Variants in ITIH2 observed in about 807,000 individuals in gnomAD.
ITIH2 encodes inter-alpha-trypsin inhibitor heavy chain H2.
ITIH2 carries 103 observed loss-of-function variants against 104.4 expected under a neutral mutation model. The observed-to-expected ratio is 0.99, with a 90% CI of 0.84 to 1.16. ITIH2 has a LOEUF of 1.16. ITIH2 is among the 50% of genes most tolerant of loss of function. The pLI is 0.00. For synonymous variants in ITIH2, 436 were observed against 435.4 expected (o/e 1.00, Z -0.02); for missense variants, 1,108 against 1,162.4 (o/e 0.95, Z 0.68).
chr10:7,737,624 A>C (rs1159581799), intron 15 of ITIH2, among the ~76,000 whole-genome samples: 29 of 115,704 alleles, frequency 2.5e-4, no homozygotes, highest in African/African-American at 1.1e-3. Context: ...ATTCTATATT[A>C]TATTCTATAT....
At chr10:7,723,185 T>C (rs890567775) in intron 8 of ITIH2, among the ~76,000 whole-genome samples, 1 of 151,206 alleles carries the variant, frequency 6.6e-6, no homozygotes, top group Non-Finnish European at 1.5e-5. Context: ...TGGAGTGGCA[T>C]GGTGTGGAGA....
At chr10:7,727,871 T>C (rs774026721) in intron 11 of ITIH2, 43 bp downstream of exon 11, 29 of 1,609,784 alleles carry the variant, frequency 1.8e-5, no homozygotes, top group Non-Finnish European at 2.5e-5. Flanking sequence ...ACTTTCACTG[T>C]TGTTTCTTGG....
chr10:7,738,757 A>T lies in ITIH2; in HGVS notation c.2094A>T (p.Arg698Ser), dbSNP rs1835096471. ...CCACGCCACCCCCACATGTGATGAG[A>T]GGTAACGCTTCTACACTGCTTGCAC... ...LESTPPPHVM[R>S]VENDPHFIIY... Residue 698 changes from arginine (R) to serine (S), a missense_variant and splice_region_variant, in exon 16 of 21, where the codon AGA becomes AGT. By Grantham distance (110) the Arg-to-Ser change is moderately radical. Coordinates refer to ENST00000358415, the MANE Select transcript of ITIH2 (RefSeq NM_002216.3). The T allele has an allele frequency of 6.2e-7, 1 of 1,607,114 alleles. No individual in the cohort carries two copies. Among genetic ancestry groups the T allele is most frequent in the Non-Finnish European group, 8.5e-7 (1 of 1,176,744 alleles).
chr10:7,707,301 G>T, intron 3 of ITIH2, 68 bp downstream of exon 3: 1 of 1,171,404 alleles, frequency 8.5e-7, no homozygotes, highest in South Asian at 1.3e-5. Context: ...AAATCAATCT[G>T]GGTGTCTCTT....
chr10:7,744,084 A>C lies in ITIH2; in HGVS notation c.2212A>C (p.Ile738Leu). The C allele has an allele frequency of 1.2e-6, 2 of 1,613,324 alleles. No individual in the cohort carries two copies. Among genetic ancestry groups the C allele is most frequent in the Non-Finnish European group, 1.7e-6 (2 of 1,179,352 alleles). ...CATCATTTTTTTCTTTCCTGTAGGA[A>C]TTGTAGTCAACGGTCAGCTTGTTGG... is the stretch of plus-strand genomic sequence containing the variant. Reference protein sequence around the residue: ...LNLVSDPESGIVVNGQLVGAK... With the variant: ...LNLVSDPESGLVVNGQLVGAK... Residue 738 changes from isoleucine to leucine, a missense_variant and splice_region_variant, in exon 18 of 21, where the codon ATT becomes CTT. Physicochemically the swap from Ile to Leu is conservative, Grantham distance 5. Coordinates refer to ENST00000358415, the MANE Select transcript of ITIH2 (RefSeq NM_002216.3).
At chr10:7,733,244 T>C (rs1174896130) in intron 14 of ITIH2, among the ~76,000 whole-genome samples, 3 of 152,160 alleles carry the variant, frequency 2.0e-5, no homozygotes, top group Non-Finnish European at 2.9e-5. Context: ...CTGGCTTCTT[T>C]CACTCAATAT....
intron 12 of ITIH2, among the ~76,000 whole-genome samples, chr10:7,731,396 A>T (rs1239949943): frequency 6.6e-6 from 1 of 152,166 alleles, no homozygotes; most frequent in Non-Finnish European, 1.5e-5. Context: ...CTGTGTGAAT[A>T]AATTAAGAGG....
rs112722030 is a variant in ITIH2 at position 7,731,460 on chromosome 10, C to T, written c.1462-351C>T. Among the ~76,000 whole-genome samples the T allele has an allele frequency of 5.9e-5, 9 of 152,066 alleles. 1 individual carries two copies. The highest frequency in any genetic ancestry group is 3.4e-3 in the Middle Eastern group (1 of 294). On this transcript the variant is annotated intron_variant, in intron 12 of 20. Transcript: ENST00000358415. ...AGTAAAATGTTTTAGATCAGCTGGG[C>T]GTAATCCCTGTAATCCCAGCACTTT...
chr10:7,734,690 G>C (rs1272237428), intron 14 of ITIH2, among the ~76,000 whole-genome samples: 1 of 152,166 alleles, frequency 6.6e-6, no homozygotes, highest in East Asian at 1.9e-4. Context: ...GCGAGACCTT[G>C]TCTCAAAAAT....
rs1321267706 is a variant in ITIH2, at chr10:7,722,878, C to T, written c.868-573C>T. Among the ~76,000 whole-genome samples, 4 of 152,318 alleles carry T rather than the reference C, an allele frequency of 2.6e-5. No individual in the cohort carries two copies. In the East Asian group the frequency reaches 5.8e-4, roughly 22 times the overall value. On this transcript the variant is annotated intron_variant, in intron 8 of 20. Coordinates refer to ENST00000358415, the MANE Select transcript of ITIH2 (RefSeq NM_002216.3). ...CCTCTGCTGGCTGGGAGCCTCCTGA[C>T]GGGAGGTGCTCTGCCTGATTCACCG...
chr10:7,720,180 C>T lies in ITIH2; in HGVS notation c.631-676C>T, dbSNP rs182024972. Among the ~76,000 whole-genome samples the T allele has an allele frequency of 5.3e-5, 8 of 151,998 alleles. No homozygotes were observed. The South Asian group carries it at 8.3e-4, about 16-fold the overall frequency. ...GGGTGAGGGATGAGAAATTACTCAA[C>T]GGGTACAAGGTACATTACTTGGGTG... On this transcript the variant is annotated intron_variant, in intron 6 of 20. Transcript: ENST00000358415.
At position 7,713,198 on chromosome 10, in the gene ITIH2, C is replaced by CA. The variant is rs762073382; in HGVS notation, c.381dup (p.Phe128IlefsTer2). 26 of 1,613,818 alleles carry CA rather than the reference C, an allele frequency of 1.6e-5. No individual in the cohort carries two copies. Among genetic ancestry groups the CA allele is most frequent in the Non-Finnish European group, 2.2e-5 (26 of 1,179,756 alleles). On this transcript the variant is annotated frameshift_variant, in exon 5 of 21. Coordinates refer to ENST00000358415, the MANE Select transcript of ITIH2 (RefSeq NM_002216.3). LOFTEE classifies it high-confidence loss of function. ...TTTTCTAGGACTGTGGACGGCAAGA[C>CA]ATTTAGGAGCTCTATTAAGGAGAAA...
At chr10:7,748,143 AGGT>A (rs2130969914) in intron 20 of ITIH2, among the ~76,000 whole-genome samples, 1 of 151,216 alleles carries the variant, frequency 6.6e-6, no homozygotes, top group East Asian at 1.9e-4. Context: ...CGGAAGGCAG[AGGT>A]TGCAGTGAGC....
At chr10:7,716,073 C>T (rs2130943037) in intron 5 of ITIH2, among the ~76,000 whole-genome samples, 1 of 152,228 alleles carries the variant, frequency 6.6e-6, no homozygotes, top group East Asian at 1.9e-4. Context: ...CAACCTCCAC[C>T]TCCCAGGTCT....
chr10:7,746,739 C>T, intron 20 of ITIH2, 35 bp downstream of exon 20: 5 of 1,360,634 alleles, frequency 3.7e-6, no homozygotes, highest in East Asian at 4.6e-5. Flanking sequence ...GACGAAAAGG[C>T]CTTGTGTTAG....
In ITIH2 at chr10:7,703,461, C is replaced by G. The variant is rs770271447; in HGVS notation, c.27C>G (p.Ile9Met). 6.2e-7 allele frequency: 1 copy of G among 1,613,982 alleles called. No homozygotes were observed. Among genetic ancestry groups the G allele is most frequent in the East Asian group, 2.2e-5 (1 of 44,878 alleles). Residue 9 changes from isoleucine (I) to methionine (M), a missense_variant, in exon 1 of 21, where the codon ATC becomes ATG. Coordinates refer to ENST00000358415, the MANE Select transcript of ITIH2 (RefSeq NM_002216.3). The stretch of plus-strand genomic sequence containing the variant: ...TGAAAAGACTCACGTGCTTTTTCAT[C>G]TGCTTCTTTCTTTCTGAAGTATCAG... MKRLTCFF[I>M]CFFLSEVSGF...
At chr10:7,706,760 G>A (rs777748407) in intron 2 of ITIH2, among the ~76,000 whole-genome samples, 3 of 152,120 alleles carry the variant, frequency 2.0e-5, no homozygotes, top group Admixed American at 1.3e-4. Flanking sequence ...AGGGTGAGTA[G>A]GAGTTCTCCA....
chr10:7,732,468 T>A lies in ITIH2; in HGVS notation c.1778T>A (p.Leu593Gln). 1 of 1,613,486 alleles carries A rather than the reference T, an allele frequency of 6.2e-7. No individual in the cohort carries two copies. The highest frequency in any genetic ancestry group is 1.3e-5 in the African/African-American group (1 of 75,022). ...GCCTATCTAACCATCAACCAACTGC[T>A]AGCTGAACGGTAAGAAGAGAAGAGT... ...LWAYLTINQL[L>Q]AERSLAPTAA... The change falls in exon 14 of 21, where the codon CTA becomes CAA. Residue 593 changes from leucine (L) to glutamine (Q), a missense_variant. Physicochemically the swap from Leu to Gln is moderately radical, Grantham distance 113. Coordinates refer to ENST00000358415, the MANE Select transcript of ITIH2 (RefSeq NM_002216.3).
rs1491095480 is a variant in ITIH2, at chr10:7,746,067, TTA to T, written c.2582-525_2582-524del. ...CCACACCCGGCCCCAAATCTTAAAT[TTA>T]AAAAAAAAAAAAAAAAAAAAAAAAA... On this transcript the variant is annotated intron_variant, in intron 19 of 20. Transcript: ENST00000358415. Among the ~76,000 whole-genome samples the T allele has an allele frequency of 2.9e-3, 148 of 51,110 alleles. 6 individuals carry two copies. The highest frequency in any genetic ancestry group is 0.013 in the African/African-American group (142 of 10,984). 33.5% of individuals were successfully genotyped at this position (51,110 alleles called of 152,430 possible). A position where few individuals can be genotyped will look rare whatever the true frequency, so the allele number is the denominator to read the frequency against.
Sources: allele counts gnomAD v4.1 joint callset (sites outside exome capture counted in the v4.1 genomes callset), GRCh38; gene constraint gnomAD v4.1.1; transcripts MANE v1.5; gene names NCBI Gene and HGNC (gene_info 2026-07-23, HGNC 2026-07-21).